LYRM4: variants seen among roughly 807,000 people sequenced by gnomAD.
LYRM4 encodes the protein LYR motif containing 4, also known as LYR motif-containing protein 4.
Under a neutral mutation model 11.7 loss-of-function variants are expected in LYRM4, and 9 were observed. That is an observed-to-expected ratio of 0.77 (90% confidence interval 0.46 to 1.34). The LOEUF (loss-of-function observed/expected upper bound fraction) is 1.34. Among genes scored for constraint, LYRM4 ranks in the 40% most tolerant of loss-of-function variants. The pLI, the probability that LYRM4 is intolerant of heterozygous loss-of-function variation, is 0.00. For synonymous variants in LYRM4, 42 were observed against 40.4 expected (o/e 1.04, Z -0.15); for missense variants, 133 against 112.5 (o/e 1.18, Z -0.82).
At chr6:5,065,445 T>A in the LYRM4 span, among the ~76,000 whole-genome samples, 1 of 152,226 alleles carries the variant, frequency 6.6e-6, no homozygotes, top group Non-Finnish European at 1.5e-5. Flanking sequence ...TAAATCAGTT[T>A]TGTTTACTTT....
At chr6:5,195,508 C>A (rs1341995438) in intron 2 of LYRM4, among the ~76,000 whole-genome samples, 1 of 152,130 alleles carries the variant, frequency 6.6e-6, no homozygotes, top group East Asian at 1.9e-4. Flanking sequence ...GTGGCATGCG[C>A]CTGTAGTCCC....
chr6:5,046,137 T>A, the LYRM4 span, among the ~76,000 whole-genome samples: 1 of 152,062 alleles, frequency 6.6e-6, no homozygotes, highest in African/African-American at 2.4e-5. Flanking sequence ...ATTAGTGGCT[T>A]AAAATAATAT....
chr6:5,221,765 A>G (rs1446492670), intron 1 of LYRM4, among the ~76,000 whole-genome samples: 1 of 152,238 alleles, frequency 6.6e-6, no homozygotes, highest in Non-Finnish European at 1.5e-5. Context: ...AGGTAGGAGA[A>G]TCTTCATGCA....
chr6:5,192,964 T>C (rs889123311), intron 2 of LYRM4, among the ~76,000 whole-genome samples: 8 of 152,092 alleles, frequency 5.3e-5, no homozygotes, highest in Non-Finnish European at 8.8e-5. Context: ...AGGCAGATTG[T>C]AGTGAGCCAA....
At chr6:5,043,212 G>C in the LYRM4 span, 1 of 151,982 alleles carries the variant, frequency 6.6e-6, no homozygotes, top group South Asian at 2.1e-4. Context: ...ACCATGACCT[G>C]AGAAATACAC....
chr6:5,202,682 G>A (rs550999104), intron 2 of LYRM4, among the ~76,000 whole-genome samples: 18 of 152,252 alleles, frequency 1.2e-4, no homozygotes, highest in Non-Finnish European at 2.1e-4. Flanking sequence ...CCATAAGTTC[G>A]TATGTATGTC....
chr6:5,070,484 T>A, the LYRM4 span, among the ~76,000 whole-genome samples: 1 of 152,228 alleles, frequency 6.6e-6, no homozygotes, highest in African/African-American at 2.4e-5. Context: ...AATTTTTCCA[T>A]AGTAAACAAG....
intron 2 of LYRM4, among the ~76,000 whole-genome samples, chr6:5,212,758 G>A (rs1307882217): frequency 6.6e-6 from 1 of 152,232 alleles, no homozygotes; most frequent in South Asian, 2.1e-4. Context: ...AGAGATTCGA[G>A]ACTGACAGAC....
At chr6:5,136,032 T>C (rs1454169265) in intron 2 of LYRM4, 2 of 152,720 alleles carry the variant, frequency 1.3e-5, no homozygotes, top group Non-Finnish European at 2.9e-5. Context: ...TTATTTCACT[T>C]AGGACAATGT....
At position 5,254,918 on chromosome 6, in the gene LYRM4, C is replaced by T. The variant is rs117268640; in HGVS notation, c.86+5730G>A. 1.2e-4 allele frequency among the ~76,000 whole-genome samples: 18 copies of T among 152,200 alleles called. No homozygotes were observed. In the East Asian group the frequency reaches 2.9e-3, roughly 25 times the overall value. On this transcript the variant is annotated intron_variant, in intron 1 of 2. Transcript: ENST00000330636. ...GAGGTGGAGGGGGTATCTCTACTCA[C>T]GGCAGCAATTTACGCACTTCTGATT...
At chr6:5,096,209 G>C in the LYRM4 span, among the ~76,000 whole-genome samples, 3 of 152,170 alleles carry the variant, frequency 2.0e-5, no homozygotes, top group African/African-American at 7.2e-5. Context: ...ACTGCCACTA[G>C]GTGGGTGCAG....
the LYRM4 span, chr6:5,043,511 G>A: frequency 5.3e-5 from 8 of 152,234 alleles, no homozygotes; most frequent in East Asian, 1.4e-3. Context: ...AGGTGCCTTA[G>A]TTTGATGTTA....
At chr6:5,056,980 A>G in the LYRM4 span, among the ~76,000 whole-genome samples, 2 of 152,204 alleles carry the variant, frequency 1.3e-5, 1 homozygote, top group South Asian at 4.1e-4. Flanking sequence ...CTATTTTGTC[A>G]CTGAATGTTG....
the LYRM4 span, among the ~76,000 whole-genome samples, chr6:5,049,353 C>A: frequency 6.6e-6 from 1 of 152,272 alleles, no homozygotes; most frequent in East Asian, 1.9e-4. Context: ...TCAGATGACC[C>A]AACTACTGGG....
intron 2 of LYRM4, among the ~76,000 whole-genome samples, chr6:5,163,956 A>G (rs954612568): frequency 7.9e-5 from 12 of 152,144 alleles, no homozygotes; most frequent in African/African-American, 2.7e-4. Flanking sequence ...ACTTTATAAC[A>G]TTGAGTATTC....
chr6:5,088,464 A>G, the LYRM4 span: 1 of 152,184 alleles, frequency 6.6e-6, no homozygotes, highest in Non-Finnish European at 1.5e-5. Context: ...AATTATATAA[A>G]ATATATATTT....
downstream of LYRM4, chr6:5,106,732 A>G (rs1762674677): frequency 6.6e-6 from 1 of 152,270 alleles, no homozygotes; most frequent in Non-Finnish European, 1.5e-5. Context: ...TGCTCGGCCA[A>G]TGAGTTCTGC....
intron 2 of LYRM4, among the ~76,000 whole-genome samples, chr6:5,159,419 A>C (rs1758619189): frequency 6.6e-6 from 1 of 152,242 alleles, no homozygotes; most frequent in South Asian, 2.1e-4. Flanking sequence ...TGGTCAATGC[A>C]TTATCAGAAG....
chr6:5,066,085 C>G, the LYRM4 span: 1 of 420,582 alleles, frequency 2.4e-6, no homozygotes, highest in East Asian at 4.9e-5. Flanking sequence ...AGGAGTCATT[C>G]GAGTAAGATA....
Sources: gnomAD v4.1 joint callset for allele counts (sites outside exome capture counted in the v4.1 genomes callset) on GRCh38, gnomAD v4.1.1 for gene constraint, MANE v1.5 for transcripts, NCBI Gene and HGNC (gene_info 2026-07-23, HGNC 2026-07-21) for gene names.